The following CFAP46 variants were observed in gnomAD, a reference collection of about 807,000 sequenced individuals.
The protein encoded by CFAP46 is cilia and flagella associated protein 46, also known as cilia- and flagella-associated protein 46.
A neutral mutation model predicts 325.7 loss-of-function variants in CFAP46; 245 were observed. That is an observed-to-expected ratio of 0.75 (90% CI 0.68 to 0.84). CFAP46 has a LOEUF of 0.84. Among genes scored for constraint, CFAP46 ranks in the 40% least tolerant of loss-of-function variants. The pLI is 0.00. For synonymous variants in CFAP46, 1,523 were observed against 1,495.9 expected (o/e 1.02, Z -0.42); for missense variants, 3,346 against 3,543.0 (o/e 0.94, Z 1.41).
chr10:132,814,332 G>T, intron 53 of CFAP46, 78 bp from the exon 54 acceptor site: 2 of 1,254,204 alleles, frequency 1.6e-6, no homozygotes, highest in Non-Finnish European at 1.1e-6. Flanking sequence ...CCCTGGGGAG[G>T]GGTCACAGCG....
rs190208381 is a variant in CFAP46 at position 132,900,993 on chromosome 10, T to C, written c.2925-1327A>G. Among the ~76,000 whole-genome samples the C allele has an allele frequency of 3.3e-5, 5 of 152,384 alleles. No individual in the cohort carries two copies. The East Asian group carries it at 9.6e-4, about 29-fold the overall frequency. ...AGATTGAATCCTTCATCATGAGGAA[T>C]GTCTACCTCGGATCGCGTGCCTGGG... On this transcript the variant is annotated intron_variant, in intron 22 of 57. Coordinates refer to ENST00000368586, the MANE Select transcript of CFAP46 (RefSeq NM_001200049.3).
chr10:132,913,369 A>AATTATG, intron 17 of CFAP46, 111 bp from the exon 18 acceptor site: 1 of 295,710 alleles, frequency 3.4e-6, no homozygotes, highest in Non-Finnish European at 6.8e-6. Context: ...AAGAAGTGGG[A>AATTATG]GGGGCGGGTG....
chr10:132,921,688 C>T (rs900265646), intron 13 of CFAP46, among the ~76,000 whole-genome samples: 3 of 152,218 alleles, frequency 2.0e-5, no homozygotes, highest in Non-Finnish European at 4.4e-5. Flanking sequence ...GACTGGTGTC[C>T]TTCCAAAGGG....
At chr10:132,842,321 G>A (rs905771348) in intron 44 of CFAP46, among the ~76,000 whole-genome samples, 8 of 152,206 alleles carry the variant, frequency 5.3e-5, no homozygotes, top group East Asian at 1.9e-4. Flanking sequence ...CTTTATTCTA[G>A]GTTTTAATAC....
intron 25 of CFAP46, among the ~76,000 whole-genome samples, chr10:132,891,245 C>T (rs1849249584): frequency 6.6e-6 from 1 of 152,188 alleles, no homozygotes; most frequent in African/African-American, 2.4e-5. Context: ...ATTCTAAGCC[C>T]CCCAACCGAC....
chr10:132,840,099 GT>G (rs1848325393), intron 44 of CFAP46, among the ~76,000 whole-genome samples: 1 of 152,160 alleles, frequency 6.6e-6, no homozygotes, highest in African/African-American at 2.4e-5. Context: ...TGGGGTCTGG[GT>G]TTTCTTTGTA....
chr10:132,842,967 T>G (rs1179214835), intron 44 of CFAP46, among the ~76,000 whole-genome samples: 2 of 152,230 alleles, frequency 1.3e-5, no homozygotes, highest in Admixed American at 1.3e-4. Flanking sequence ...GCCCCACCTC[T>G]CAATACTGCC....
In CFAP46 at chr10:132,810,581, G is replaced by A. The variant is rs534575012; in HGVS notation, c.7584-92C>T. 201 of 1,137,548 alleles carry A rather than the reference G, an allele frequency of 1.8e-4. No individual in the cohort carries two copies. The African/African-American group carries it at 2.6e-3, about 15-fold the overall frequency. 70.5% of individuals were successfully genotyped at this position (1,137,548 alleles called of 1,614,324 possible). A position where few individuals can be genotyped will look rare whatever the true frequency, so the allele number is the denominator to read the frequency against. On this transcript the variant is annotated intron_variant, in intron 56 of 57. Transcript: ENST00000368586. Reference sequence around the variant, plus strand: ...CAGGCCCGGGATGCCAGGGGCCCACGCACTTTCCCATAAGACGCTGGCCCG... The same window carrying A: ...CAGGCCCGGGATGCCAGGGGCCCACACACTTTCCCATAAGACGCTGGCCCG...
intron 10 of CFAP46, among the ~76,000 whole-genome samples, chr10:132,925,515 G>T (rs1277921931): frequency 6.6e-6 from 1 of 152,264 alleles, no homozygotes; most frequent in South Asian, 2.1e-4. Context: ...GGTGAGTCGG[G>T]GAAGCAGCCG....
chr10:132,843,758 T>C (rs1848385807), intron 44 of CFAP46, among the ~76,000 whole-genome samples: 1 of 120,310 alleles, frequency 8.3e-6, no homozygotes, highest in African/African-American at 3.3e-5. Context: ...GCTGTGGGGC[T>C]CTGGTCTCAG....
intron 17 of CFAP46, among the ~76,000 whole-genome samples, chr10:132,915,685 G>C (rs1185244765): frequency 1.3e-5 from 2 of 152,276 alleles, no homozygotes; most frequent in African/African-American, 4.8e-5. Context: ...GGACACCCGA[G>C]CTTACCACGT....
intron 4 of CFAP46, among the ~76,000 whole-genome samples, chr10:132,938,964 C>A (rs1320401747): frequency 6.6e-6 from 1 of 152,296 alleles, no homozygotes; most frequent in Non-Finnish European, 1.5e-5. Context: ...CTTGGGCGAC[C>A]CTGCGTCCGA....
Position 132,869,290 on chromosome 10 carries a change from C to T in CFAP46, c.4594G>A (p.Glu1532Lys), listed in dbSNP as rs1049587711. Residue 1532 changes from glutamate to lysine, a missense_variant, in exon 33 of 58, where the codon GAG becomes AAG. Glu to Lys is a moderately conservative substitution (Grantham distance 56, BLOSUM62 1). Transcript: ENST00000368586. This position sits in a 1 kb window ranked among gnomAD's most constrained non-coding sequence, Gnocchi z 6.2. ...GGCACACACCTGGCCTGCTCCAGCTCGCTGACGCACACCTGCCCGACCGCC... is the reference window on the plus strand; with the variant it reads ...GGCACACACCTGGCCTGCTCCAGCTTGCTGACGCACACCTGCCCGACCGCC... ...EEAVGQVCVS[E>K]LEQASCRKEI... is the part of the protein sequence containing the mutation. 3.9e-6 allele frequency: 6 copies of T among 1,535,846 alleles called. No individual in the cohort carries two copies. Among genetic ancestry groups the T allele is most frequent in the African/African-American group, 2.8e-5 (2 of 72,578 alleles).
Position 132,836,896 on chromosome 10 carries a change from C to T in CFAP46, c.6457G>A (p.Val2153Ile), listed in dbSNP as rs1564772532. ...AVSKAWQNLC[V>I]TEQHFNLLNE... ...AAGAGGTTAAAATGCTGCTCAGTGA[C>T]GCAGAGATTTTGCCAAGCCTGTGTG... is the stretch of plus-strand genomic sequence containing the variant. Residue 2153 changes from valine to isoleucine, a missense_variant, in exon 45 of 58, where the codon GTC (valine) becomes ATC (isoleucine). Val to Ile is a conservative substitution (Grantham distance 29). Coordinates refer to ENST00000368586, the MANE Select transcript of CFAP46 (RefSeq NM_001200049.3). 5 of 1,613,768 alleles carry T rather than the reference C, an allele frequency of 3.1e-6. No individual in the cohort carries two copies. The highest frequency in any genetic ancestry group is 2.2e-5 in the East Asian group (1 of 44,898).
intron 47 of CFAP46, 64 bp from the exon 48 acceptor site, chr10:132,834,839 G>T (rs1848212914): frequency 5.2e-6 from 8 of 1,545,320 alleles, no homozygotes; most frequent in Non-Finnish European, 7.0e-6. Context: ...CCCCGCGAGG[G>T]CCAGGCCCCT....
chr10:132,907,813 G>A (rs978756489), intron 22 of CFAP46, among the ~76,000 whole-genome samples: 4 of 152,180 alleles, frequency 2.6e-5, no homozygotes, highest in African/African-American at 4.8e-5. Flanking sequence ...CCTTATGAAA[G>A]GGACCCCAGA....
intron 17 of CFAP46, 93 bp downstream of exon 17, chr10:132,916,456 A>C: frequency 7.3e-7 from 1 of 1,366,430 alleles, no homozygotes; most frequent in Non-Finnish European, 9.7e-7. Context: ...TTACGAATGC[A>C]AAGGGTGTCC....
intron 13 of CFAP46, among the ~76,000 whole-genome samples, chr10:132,921,265 C>T (rs1417903729): frequency 6.6e-6 from 1 of 152,216 alleles, no homozygotes. Context: ...CAGCAGGACC[C>T]TCAGGGGACC....
At position 132,847,472 on chromosome 10, in the gene CFAP46, C is replaced by T. The variant is rs537123141; in HGVS notation, c.5953-151G>A. 1.6e-5 allele frequency: 15 copies of T among 917,292 alleles called. No homozygotes were observed. The highest frequency in any genetic ancestry group is 2.5e-5 in the Non-Finnish European group (15 of 596,618). The allele number at this position is 917,292 out of a possible 1,614,324, so 56.8% of individuals were successfully genotyped here. ...AGGCCACAGCATGGCCTCTCACTAT[C>T]CCAAACCCTCCATCCCTGAGTTGAT... On this transcript the variant is annotated intron_variant, in intron 41 of 57. Transcript: ENST00000368586. The surrounding 1 kb of genome is among the most constrained non-coding windows in gnomAD (Gnocchi z 5.2).
Sources: allele counts gnomAD v4.1 joint callset (sites outside exome capture counted in the v4.1 genomes callset), GRCh38; gene constraint gnomAD v4.1.1; non-coding constraint Gnocchi (gnomAD v3.1); transcripts MANE v1.5; gene names NCBI Gene and HGNC (gene_info 2026-07-23, HGNC 2026-07-21).